SEMA3C: variants seen among roughly 807,000 people sequenced by gnomAD.
SEMA3C encodes the protein semaphorin 3C.
A neutral mutation model predicts 89.4 loss-of-function variants in SEMA3C; 47 were observed. The observed-to-expected ratio is 0.53, with a 90% CI of 0.42 to 0.67. The LOEUF (loss-of-function observed/expected upper bound fraction) is 0.67, where lower values mean the gene tolerates loss of function less well. Among genes scored for constraint, SEMA3C ranks in the 30% least tolerant of loss-of-function variants. The pLI, the probability that SEMA3C is intolerant of heterozygous loss-of-function variation, is 0.00. For missense variants in SEMA3C, 839 were observed against 929.1 expected (o/e 0.90, Z 1.26); for synonymous variants, 310 against 320.2 (o/e 0.97, Z 0.34).
chr7:80,878,459 A>G (rs1030256170), intron 2 of SEMA3C, among the ~76,000 whole-genome samples: 1 of 152,186 alleles, frequency 6.6e-6, no homozygotes, highest in Non-Finnish European at 1.5e-5. Context: ...GGTAATCTGG[A>G]AAGTTTTATA....
At chr7:80,918,236 C>T (rs1422809125) in intron 1 of SEMA3C, 3 of 152,232 alleles carry the variant, frequency 2.0e-5, no homozygotes, top group Admixed American at 1.3e-4. Context: ...TATGCCTAAC[C>T]TTTGTTATGT....
At chr7:80,851,726 A>C (rs1281983633) in intron 2 of SEMA3C, among the ~76,000 whole-genome samples, 1 of 151,970 alleles carries the variant, frequency 6.6e-6, no homozygotes, top group Non-Finnish European at 1.5e-5. Flanking sequence ...GTATCATAAC[A>C]CGTAGACAGC....
In SEMA3C at chr7:80,828,039, T is replaced by C. The variant is rs553622042; in HGVS notation, c.264+546A>G. On this transcript the variant is annotated intron_variant, in intron 3 of 17. Coordinates refer to ENST00000265361, the MANE Select transcript of SEMA3C (RefSeq NM_006379.5). ...GTCCAGTTTGGCAATAATCATTAATTTTTTTTAGTTGTCAGTCCATTGCCT... is the reference window on the plus strand; with the variant it reads ...GTCCAGTTTGGCAATAATCATTAATCTTTTTTAGTTGTCAGTCCATTGCCT... Among the ~76,000 whole-genome samples the C allele has an allele frequency of 1.0e-3, 153 of 152,190 alleles. 1 individual carries two copies. The highest frequency in any genetic ancestry group is 3.6e-3 in the African/African-American group (149 of 41,542).
Position 80,748,923 on chromosome 7 carries a change from T to C in SEMA3C, c.1817A>G (p.Gln606Arg), listed in dbSNP as rs1230465361. The C allele has an allele frequency of 6.2e-7, 1 of 1,612,774 alleles. No homozygotes were observed. Among genetic ancestry groups the C allele is most frequent in the South Asian group, 1.1e-5 (1 of 90,860 alleles). ...SPQASIKWLL[Q>R]KDKDRRKEVK... Reference sequence around the variant, plus strand: ...CTCTTTCCTCCTGTCTTTGTCTTTCTGTAACAGCCACTTGATAGATGCCTG... The same window carrying C: ...CTCTTTCCTCCTGTCTTTGTCTTTCCGTAACAGCCACTTGATAGATGCCTG... Residue 606 changes from glutamine (Q) to arginine (R), a missense_variant, in exon 17 of 18, where the codon CAG becomes CGG. By Grantham distance (43) the Gln-to-Arg change is conservative. Coordinates refer to ENST00000265361, the MANE Select transcript of SEMA3C (RefSeq NM_006379.5).
At chr7:80,754,957 G>GTTTTTTTTTTGTTTTTTTTGGTT (rs1449995090) in intron 15 of SEMA3C, among the ~76,000 whole-genome samples, 1 of 108,390 alleles carries the variant, frequency 9.2e-6, no homozygotes, top group African/African-American at 3.5e-5. Flanking sequence ...GTTTTTTTTT[G>GTTTTTTTTTTGTTTTTTTTGGTT]TTTTTTTTTT....
At chr7:80,904,649 TC>T (rs1228996953) in intron 2 of SEMA3C, among the ~76,000 whole-genome samples, 4 of 152,194 alleles carry the variant, frequency 2.6e-5, no homozygotes, top group Admixed American at 2.6e-4. Flanking sequence ...TGAATAGTGT[TC>T]TCTTTTATTA....
intron 2 of SEMA3C, among the ~76,000 whole-genome samples, chr7:80,839,055 C>A (rs1278507156): frequency 6.6e-6 from 1 of 152,190 alleles, no homozygotes; most frequent in African/African-American, 2.4e-5. Flanking sequence ...ATGGTAAGTA[C>A]TGTCTGGATT....
upstream of SEMA3C, among the ~76,000 whole-genome samples, chr7:80,920,911 C>G (rs73141855): frequency 3.8e-4 from 58 of 152,168 alleles, no homozygotes; most frequent in Middle Eastern, 0.01. Flanking sequence ...ATATATTAAG[C>G]AGGGAGAAGA....
At chr7:80,859,133 GA>G (rs1003710453) in intron 2 of SEMA3C, among the ~76,000 whole-genome samples, 1 of 151,390 alleles carries the variant, frequency 6.6e-6, no homozygotes, top group African/African-American at 2.4e-5. Flanking sequence ...GAAAACTCAA[GA>G]AAAAAAAGAA....
In SEMA3C at chr7:80,800,585, A is replaced by C. The variant is rs147313607; in HGVS notation, c.986+172T>G. Among the ~76,000 whole-genome samples, 9 of 152,332 alleles carry C rather than the reference A, an allele frequency of 5.9e-5. No individual in the cohort carries two copies. In the East Asian group the frequency reaches 1.2e-3, roughly 20 times the overall value. ...TCTACAAAAGTATTTGGAAAGCATT[A>C]GTTTAGCTCCAATATATTTTGGTAA... On this transcript the variant is annotated intron_variant, in intron 10 of 17. Coordinates refer to ENST00000265361, the MANE Select transcript of SEMA3C (RefSeq NM_006379.5).
rs558935707 is a variant in SEMA3C at position 80,778,011 on chromosome 7, G to C, written c.1354+11295C>G. Among the ~76,000 whole-genome samples the C allele has an allele frequency of 2.0e-5, 3 of 152,128 alleles. No homozygotes were observed. The South Asian group carries it at 6.2e-4, about 32-fold the overall frequency. On this transcript the variant is annotated intron_variant, in intron 12 of 17. Transcript: ENST00000265361. The stretch of plus-strand genomic sequence containing the variant: ...TCTGCTATATCTAATGTGTCAAAAA[G>C]TGTTTAATAAGTTTGTATATTCTGG...
At chr7:80,821,388 A>G (rs1353024967) in intron 4 of SEMA3C, among the ~76,000 whole-genome samples, 1 of 152,170 alleles carries the variant, frequency 6.6e-6, no homozygotes, top group Non-Finnish European at 1.5e-5. Flanking sequence ...GCTGCTTTAT[A>G]ATTTGTCATT....
At chr7:80,919,360 G>C (rs2116272279), upstream of SEMA3C, 1 of 985,352 alleles carries the variant, frequency 1.0e-6, no homozygotes, top group Non-Finnish European at 1.2e-6. Context: ...CCGCGGCGGA[G>C]TGAGCAACTT....
intron 2 of SEMA3C, among the ~76,000 whole-genome samples, chr7:80,874,500 CTT>C (rs1299107143): frequency 6.7e-6 from 1 of 148,324 alleles, no homozygotes; most frequent in Non-Finnish European, 1.5e-5. Context: ...GAGTTTCACT[CTT>C]GTTGCCCAGG....
At chr7:80,810,550 T>C (rs1453844378) in intron 6 of SEMA3C, 61 bp downstream of exon 6, 2 of 1,340,228 alleles carry the variant, frequency 1.5e-6, no homozygotes, top group African/African-American at 1.4e-5. Flanking sequence ...AGGTATACCA[T>C]GTCAAGCTAA....
intron 2 of SEMA3C, among the ~76,000 whole-genome samples, chr7:80,855,018 C>A (rs908734303): frequency 1.3e-5 from 2 of 152,070 alleles, no homozygotes; most frequent in Non-Finnish European, 2.9e-5. Flanking sequence ...CTTGTCAATT[C>A]TTTTATTGAT....
chr7:80,745,142 C>A lies in SEMA3C; in HGVS notation c.2008G>T (p.Val670Leu), dbSNP rs747781158. The A allele has an allele frequency of 6.2e-6, 10 of 1,614,030 alleles. No individual in the cohort carries two copies. Among genetic ancestry groups the A allele is most frequent in the Middle Eastern group, 1.7e-4 (1 of 6,060 alleles). Residue 670 changes from valine to leucine, a missense_variant, in exon 18 of 18, where the codon GTG becomes TTG. By Grantham distance (32) the Val-to-Leu change is conservative. Coordinates refer to ENST00000265361, the MANE Select transcript of SEMA3C (RefSeq NM_006379.5). ...GTCCATGGGGACCATTTGTCCGTCA[C>A]AACAGCCACCATTTCTGAATCTAAA... The part of the protein sequence containing the change: ...KVLDSEMVAV[V>L]TDKWSPWTWA...
intron 17 of SEMA3C, among the ~76,000 whole-genome samples, chr7:80,747,040 TAGAA>T (rs1257351027): frequency 1.3e-5 from 2 of 152,078 alleles, no homozygotes; most frequent in Admixed American, 6.6e-5. Flanking sequence ...TTTCTTAAAA[TAGAA>T]AGGATCAGAA....
intron 4 of SEMA3C, among the ~76,000 whole-genome samples, chr7:80,822,882 T>C (rs1789787609): frequency 6.6e-6 from 1 of 152,198 alleles, no homozygotes; most frequent in Non-Finnish European, 1.5e-5. Flanking sequence ...TCAGGGCATC[T>C]GTCCTGCATA....
Sources: gnomAD v4.1 joint callset for allele counts (sites outside exome capture counted in the v4.1 genomes callset) on GRCh38, gnomAD v4.1.1 for gene constraint, MANE v1.5 for transcripts, NCBI Gene and HGNC (gene_info 2026-07-23, HGNC 2026-07-21) for gene names.